Variants in EBI3 observed in about 807,000 individuals in gnomAD.
EBI3 encodes the protein interleukin-27 subunit beta.
A neutral mutation model predicts 21.3 loss-of-function variants in EBI3; 19 were observed. The observed-to-expected ratio is 0.89, with a 90% CI of 0.62 to 1.31. The LOEUF is 1.31. EBI3 is among the 50% of genes most tolerant of loss of function. EBI3 has a pLI of 0.00. For synonymous variants in EBI3, 154 were observed against 131.2 expected (o/e 1.17, Z -1.19); for missense variants, 331 against 314.0 (o/e 1.05, Z -0.41).
rs61750972 is a variant in EBI3 at position 4,231,221 on chromosome 19, T to A, written c.98T>A (p.Val33Glu). 3.7e-6 allele frequency: 6 copies of A among 1,608,038 alleles called. No homozygotes were observed. In the Admixed American group the frequency reaches 5.2e-5, roughly 14 times the overall value. The change falls in exon 2 of 5, where the codon GTG becomes GAG. Residue 33 changes from valine (V) to glutamate (E), a missense_variant. Coordinates refer to ENST00000221847, the MANE Select transcript of EBI3 (RefSeq NM_005755.3). ...GPPAALTLPR[V>E]QCRASRYPIA... The stretch of plus-strand genomic sequence containing the variant: ...CCAGCAGCTCTGACACTGCCCCGGG[T>A]GCAATGCCGAGCCTCTCGGTACCCG...
intron 3 of EBI3, 84 bp from the exon 4 acceptor site, chr19:4,234,583 A>G (rs1313672661): frequency 1.3e-6 from 2 of 1,537,654 alleles, no homozygotes; most frequent in East Asian, 2.3e-5. Context: ...AAATATATAC[A>G]TAATATGTTG....
At position 4,229,616 on chromosome 19, in the gene EBI3, A is replaced by G; in HGVS notation, c.66A>G (p.Lys22=). 6.2e-7 allele frequency: 1 copy of G among 1,606,930 alleles called. No homozygotes were observed. The highest frequency in any genetic ancestry group is 1.1e-5 in the South Asian group (1 of 89,612). The change falls in exon 1 of 5, where the codon AAA becomes AAG. Residue 22 remains lysine (K), a splice_region_variant and synonymous_variant. Transcript: ENST00000221847. ...WASCPPCSGR[K]GPPAALTLPR... ...GCTGCCCGCCCTGCAGTGGAAGGAA[A>G]GGTATGTGGGGCCCCTGGGGGACTG...
At chr19:4,233,336 G>T in intron 3 of EBI3, 29 bp downstream of exon 3, 1 of 1,541,438 alleles carries the variant, frequency 6.5e-7, no homozygotes. Context: ...GGGGGCGGGG[G>T]CGGGGCTGCC....
Position 4,229,534 on chromosome 19 carries a change from C to A in EBI3, c.-17C>A. The A allele has an allele frequency of 6.2e-7, 1 of 1,605,892 alleles. No homozygotes were observed. The highest frequency in any genetic ancestry group is 8.5e-7 in the Non-Finnish European group (1 of 1,176,390). On this transcript the variant is annotated 5_prime_UTR_variant, in exon 1 of 5. Transcript: ENST00000221847. ...CGACGTTCCCACCCACTCCTGAGAG[C>A]AGAGCTGGCCGCAGCCATGACCCCG... is the stretch of plus-strand genomic sequence containing the variant.
At chr19:4,234,009 A>C (rs989818903) in intron 3 of EBI3, among the ~76,000 whole-genome samples, 11 of 152,096 alleles carry the variant, frequency 7.2e-5, no homozygotes, top group African/African-American at 2.7e-4. Context: ...GTTTGAGACC[A>C]GTCCTGGCCA....
rs146774568 is a variant in EBI3 at position 4,234,674 on chromosome 19, C to G, written c.387C>G (p.Pro129=). The change falls in exon 4 of 5, where the codon CCC becomes CCG. Residue 129 remains proline, a synonymous_variant. Coordinates refer to ENST00000221847, the MANE Select transcript of EBI3 (RefSeq NM_005755.3). ...TTCCTGCTTGTCCGTCAGTCAAGCCCGACCCTCCAGAAGGCGTGCGCCTAA... is the reference window on the plus strand; with the variant it reads ...TTCCTGCTTGTCCGTCAGTCAAGCCGGACCCTCCAGAAGGCGTGCGCCTAA... The part of the protein sequence containing the change: ...VPFITEHIIK[P]DPPEGVRLSP... 2 of 1,612,624 alleles carry G rather than the reference C, an allele frequency of 1.2e-6. No individual in the cohort carries two copies. Among genetic ancestry groups the G allele is most frequent in the Admixed American group, 1.7e-5 (1 of 59,824 alleles).
At position 4,231,788 on chromosome 19, in the gene EBI3, A is replaced by C. The variant is rs981339633; in HGVS notation, c.200+465A>C. Among the ~76,000 whole-genome samples, 35 of 128,338 alleles carry C rather than the reference A, an allele frequency of 2.7e-4. No homozygotes were observed. In the East Asian group the frequency reaches 3.5e-3, roughly 13 times the overall value. 84.2% of individuals were successfully genotyped at this position (128,338 alleles called of 152,430 possible). On this transcript the variant is annotated intron_variant, in intron 2 of 4. Transcript: ENST00000221847. ...TCCATCTCAAAAAAAAAAAAAAAAA[A>C]CTACTTCCTGGGTTGGGCACAGTGG...
intron 4 of EBI3, among the ~76,000 whole-genome samples, chr19:4,235,875 C>T (rs372171059): frequency 5.3e-5 from 8 of 152,022 alleles, no homozygotes; most frequent in Non-Finnish European, 7.4e-5. Context: ...TGCAGTGAGC[C>T]GTGTTGGCAC....
At position 4,233,162 on chromosome 19, in the gene EBI3, C is replaced by A; in HGVS notation, c.234C>A (p.Pro78=). ...LGMAARGHSW[P]CLQQTPTSTS... ...TGGCTGCCCGGGGCCACAGCTGGCC[C>A]TGCCTGCAGCAGACGCCAACGTCCA... is the stretch of plus-strand genomic sequence containing the variant. Residue 78 remains proline, a synonymous_variant, in exon 3 of 5, where the codon CCC becomes CCA. Transcript: ENST00000221847. 6.2e-7 allele frequency: 1 copy of A among 1,605,432 alleles called. No homozygotes were observed. Among genetic ancestry groups the A allele is most frequent in the Non-Finnish European group, 8.5e-7 (1 of 1,179,280 alleles).
intron 3 of EBI3, among the ~76,000 whole-genome samples, chr19:4,234,289 A>G (rs1278165356): frequency 2.0e-5 from 3 of 152,112 alleles, no homozygotes; most frequent in Non-Finnish European, 4.4e-5. Context: ...TGTGTGACCT[A>G]TGGATTTGTT....
At chr19:4,235,002 C>T (rs1208873644) in intron 4 of EBI3, among the ~76,000 whole-genome samples, 178 bp downstream of exon 4, 1 of 152,124 alleles carries the variant, frequency 6.6e-6, no homozygotes, top group African/African-American at 2.4e-5. Flanking sequence ...AAAGCAGGGA[C>T]TTGCACAAGC....
intron 4 of EBI3, among the ~76,000 whole-genome samples, chr19:4,235,338 G>A (rs992286684): frequency 2.0e-5 from 3 of 151,320 alleles, no homozygotes; most frequent in Non-Finnish European, 4.4e-5. Flanking sequence ...TTGATTGATT[G>A]AAACAAGGTC....
chr19:4,231,799 G>A (rs1350729483), intron 2 of EBI3, among the ~76,000 whole-genome samples: 2 of 151,044 alleles, frequency 1.3e-5, no homozygotes, highest in African/African-American at 2.5e-5. Context: ...CTACTTCCTG[G>A]GTTGGGCACA....
In EBI3 at chr19:4,231,300, C is replaced by T. The variant is rs748030368; in HGVS notation, c.177C>T (p.Pro59=). ...TLPPAPNSTS[P]VSFIATYRLG... Reference sequence around the variant, plus strand: ...CGCCTGCTCCAAACTCCACCAGCCCCGTGTCCTTCATTGCCACGTACAGGT... The same window carrying T: ...CGCCTGCTCCAAACTCCACCAGCCCTGTGTCCTTCATTGCCACGTACAGGT... The change falls in exon 2 of 5, where the codon CCC becomes CCT. Residue 59 remains proline, a synonymous_variant. Transcript: ENST00000221847. 9.9e-6 allele frequency: 16 copies of T among 1,612,190 alleles called. No homozygotes were observed. The highest frequency in any genetic ancestry group is 6.7e-5 in the African/African-American group (5 of 74,724).
rs1035384970 is a variant in EBI3 at position 4,234,804 on chromosome 19, G to C, written c.517G>C (p.Gly173Arg). The C allele has an allele frequency of 6.2e-7, 1 of 1,614,054 alleles. No homozygotes were observed. The highest frequency in any genetic ancestry group is 8.5e-7 in the Non-Finnish European group (1 of 1,179,988). Residue 173 changes from glycine (G) to arginine (R), a missense_variant, in exon 4 of 5, where the codon GGA (glycine) becomes CGA (arginine). By Grantham distance (125) the Gly-to-Arg change is moderately radical. Coordinates refer to ENST00000221847, the MANE Select transcript of EBI3 (RefSeq NM_005755.3). Reference sequence around the variant, plus strand: ...GTACTGGATCCGTTACAAGCGTCAGGGAGCTGCGCGCTTCCACCGGGTGAG... The same window carrying C: ...GTACTGGATCCGTTACAAGCGTCAGCGAGCTGCGCGCTTCCACCGGGTGAG... ...LKYWIRYKRQ[G>R]AARFHRVGPI...
At chr19:4,230,220 G>A (rs749624211) in intron 1 of EBI3, among the ~76,000 whole-genome samples, 6 of 152,050 alleles carry the variant, frequency 3.9e-5, no homozygotes, top group African/African-American at 9.7e-5. Flanking sequence ...CACCGCGCCC[G>A]GCCGACATTC....
chr19:4,231,508 G>A (rs1475273646), intron 2 of EBI3, among the ~76,000 whole-genome samples, 185 bp downstream of exon 2: 1 of 152,188 alleles, frequency 6.6e-6, no homozygotes, highest in Non-Finnish European at 1.5e-5. Flanking sequence ...AGTGGTGCAT[G>A]CCTGTAATCC....
rs1472229374 is a variant in EBI3 at position 4,231,193 on chromosome 19, C to A, written c.70C>A (p.Pro24Thr). 6.3e-7 allele frequency: 1 copy of A among 1,581,168 alleles called. No homozygotes were observed. Reference protein sequence around the residue: ...SCPPCSGRKGPPAALTLPRVQ... With the variant: ...SCPPCSGRKGTPAALTLPRVQ... ...TCACTCTTTCTGTCTTCCTCCAGGG[C>A]CCCCAGCAGCTCTGACACTGCCCCG... Residue 24 changes from proline to threonine, a missense_variant and splice_region_variant, in exon 2 of 5, where the codon CCC becomes ACC. Pro to Thr is a conservative substitution (Grantham distance 38, BLOSUM62 -1). Transcript: ENST00000221847.
intron 4 of EBI3, among the ~76,000 whole-genome samples, chr19:4,236,338 AGTGAGACTCCGTCT>A (rs1438531397): frequency 6.6e-6 from 1 of 151,658 alleles, no homozygotes; most frequent in African/African-American, 2.4e-5. Context: ...TGGGTGACAG[AGTGAGACTCCGTCT>A]CAAAAACAAA....
Sources: gnomAD v4.1 joint callset for allele counts (sites outside exome capture counted in the v4.1 genomes callset) on GRCh38, gnomAD v4.1.1 for gene constraint, MANE v1.5 for transcripts, NCBI Gene and HGNC (gene_info 2026-07-23, HGNC 2026-07-21) for gene names.